Variants in MIB1 observed in about 807,000 individuals in gnomAD.
MIB1 encodes MIB E3 ubiquitin protein ligase 1.
A neutral mutation model predicts 124.5 loss-of-function variants in MIB1; 278 were observed. That is an observed-to-expected ratio of 2.23 (90% confidence interval 2.02 to 2.47). The LOEUF is 2.47. MIB1 is among the 30% of genes most tolerant of loss of function. The probability of loss-of-function intolerance (pLI) is 0.00; values close to 1 mark genes in which losing one functional copy is unlikely to be tolerated. For missense variants in MIB1, 957 were observed against 1,254.4 expected (o/e 0.76, Z 3.58); for synonymous variants, 446 against 429.4 (o/e 1.04, Z -0.48).
chr18:21,781,387 A>G (rs1210824625), intron 6 of MIB1, among the ~76,000 whole-genome samples: 3 of 65,034 alleles, frequency 4.6e-5, no homozygotes, highest in African/African-American at 6.3e-5. Context: ...ATATATATAT[A>G]TATATATATA....
chr18:21,735,286 G>A (rs1374991624), intron 1 of MIB1, among the ~76,000 whole-genome samples: 1 of 152,176 alleles, frequency 6.6e-6, no homozygotes, highest in African/African-American at 2.4e-5. Flanking sequence ...CCCTCCCCAA[G>A]CCAAGGGAAG....
chr18:21,711,117 GA>G (rs1197765027), intron 1 of MIB1, among the ~76,000 whole-genome samples: 2 of 152,148 alleles, frequency 1.3e-5, no homozygotes, highest in Non-Finnish European at 2.9e-5. Context: ...GTGAGCCACT[GA>G]ACTTGGCCTA....
In MIB1 at chr18:21,791,410, C is replaced by T; in HGVS notation, c.945C>T (p.Asn315=). Residue 315 remains asparagine (N), a synonymous_variant, in exon 7 of 21, where the codon AAC becomes AAT. Transcript: ENST00000261537. ...ATCCTGCTGTTCTCACTAAAGCGAA[C>T]ATTGTCCGAAGTGGAGATGCTGCTC... ...TFNPAVLTKA[N]IVRSGDAAQG... The T allele has an allele frequency of 2.5e-6, 4 of 1,613,600 alleles. No individual in the cohort carries two copies. Among genetic ancestry groups the T allele is most frequent in the Non-Finnish European group, 3.4e-6 (4 of 1,179,756 alleles).
At chr18:21,808,621 A>G (rs991854585) in intron 10 of MIB1, among the ~76,000 whole-genome samples, 1 of 152,146 alleles carries the variant, frequency 6.6e-6, no homozygotes, top group Non-Finnish European at 1.5e-5. Context: ...GGGAAACCTC[A>G]AAGAGCTCTT....
At chr18:21,861,780 C>A (rs1483613368) in intron 20 of MIB1, among the ~76,000 whole-genome samples, 1 of 152,144 alleles carries the variant, frequency 6.6e-6, no homozygotes, top group African/African-American at 2.4e-5. Context: ...ATATACTAAT[C>A]TCAAAGTAAA....
intron 4 of MIB1, among the ~76,000 whole-genome samples, chr18:21,774,841 C>A (rs2041262679): frequency 6.6e-6 from 1 of 151,016 alleles, no homozygotes; most frequent in East Asian, 1.9e-4. Context: ...GAGGCAGAGT[C>A]TCGCTGTGTC....
At chr18:21,731,941 C>G (rs1470523451) in intron 1 of MIB1, among the ~76,000 whole-genome samples, 1 of 151,770 alleles carries the variant, frequency 6.6e-6, no homozygotes, top group Non-Finnish European at 1.5e-5. Flanking sequence ...CCCTAAAGAA[C>G]GGAGGGTACT....
chr18:21,755,972 A>G (rs1285980940), intron 1 of MIB1, among the ~76,000 whole-genome samples: 1 of 152,164 alleles, frequency 6.6e-6, no homozygotes, highest in Non-Finnish European at 1.5e-5. Context: ...AATTTGTGGC[A>G]GTTTTGCAGG....
rs575985539 is a variant in MIB1, at chr18:21,852,436, A to G, written c.2587-704A>G. On this transcript the variant is annotated intron_variant, in intron 17 of 20. Coordinates refer to ENST00000261537, the MANE Select transcript of MIB1 (RefSeq NM_020774.4). ...TTAGAAGGGAGAATAGGTGAAAGAC[A>G]GATGAGTAGCCAAGGGCTATGGGGT... 5.3e-5 allele frequency among the ~76,000 whole-genome samples: 8 copies of G among 152,340 alleles called. No homozygotes were observed. In the South Asian group the frequency reaches 1.7e-3, roughly 32 times the overall value.
Position 21,853,147 on chromosome 18 carries a change from A to G in MIB1, c.2594A>G (p.Glu865Gly). Residue 865 changes from glutamate (E) to glycine (G), a missense_variant, in exon 18 of 21, where the codon GAA becomes GGA. Transcript: ENST00000261537. Reference sequence around the variant, plus strand: ...TAACCTCTTTTTCTATAGATTGAAGAATGTGTGGTATGCTCTGACAAGAAA... The same window carrying G: ...TAACCTCTTTTTCTATAGATTGAAGGATGTGTGGTATGCTCTGACAAGAAA... ...EQVQSRTKIE[E>G]CVVCSDKKAA... 6.2e-7 allele frequency: 1 copy of G among 1,611,564 alleles called. No homozygotes were observed. The highest frequency in any genetic ancestry group is 8.5e-7 in the Non-Finnish European group (1 of 1,177,854).
rs1011780181 is a variant in MIB1, at chr18:21,854,686, C to T, written c.2665+1468C>T. The T allele has an allele frequency of 3.0e-5, 6 of 198,410 alleles. No homozygotes were observed. In the East Asian group the frequency reaches 4.3e-4, roughly 14 times the overall value. 12.3% of individuals were successfully genotyped at this position (198,410 alleles called of 1,614,324 possible). Reference sequence around the variant, plus strand: ...TGGGCTTGTGCCTTCAACATTTTCACGACGACATTCTGCTCTTTGAAAGGA... The same window carrying T: ...TGGGCTTGTGCCTTCAACATTTTCATGACGACATTCTGCTCTTTGAAAGGA... On this transcript the variant is annotated intron_variant, in intron 18 of 20. Transcript: ENST00000261537.
chr18:21,741,465 G>C lies in MIB1; in HGVS notation c.-119G>C. ...GTGAGTTATTCTCACGTCCCCCGGG[G>C]CTCGCTGCCGCCCCCGCCGACGCCT... On this transcript the variant is annotated 5_prime_UTR_variant, in exon 1 of 21. Coordinates refer to ENST00000261537, the MANE Select transcript of MIB1 (RefSeq NM_020774.4). The surrounding 1 kb of genome is among the most constrained non-coding windows in gnomAD (Gnocchi z 5.4). 1.9e-6 allele frequency: 1 copy of C among 517,872 alleles called. No individual in the cohort carries two copies. Among genetic ancestry groups the C allele is most frequent in the Non-Finnish European group, 2.8e-6 (1 of 353,902 alleles). The allele number at this position is 517,872 out of a possible 1,614,324, so 32.1% of individuals were successfully genotyped here.
chr18:21,853,754 C>A (rs536406806), intron 18 of MIB1, among the ~76,000 whole-genome samples: 2 of 152,246 alleles, frequency 1.3e-5, no homozygotes, highest in Non-Finnish European at 2.9e-5. Context: ...TTCTTTTAAA[C>A]ATATTCTCTT....
rs2146529830 is a variant in MIB1 at position 21,867,744 on chromosome 18, C to G, written c.*3078C>G. 6.6e-6 allele frequency: 1 copy of G among 152,640 alleles called. No homozygotes were observed. The highest frequency in any genetic ancestry group is 1.9e-4 in the East Asian group (1 of 5,186). The allele number at this position is 152,640 out of a possible 1,614,324, so 9.5% of individuals were successfully genotyped here. A position where few individuals can be genotyped will look rare whatever the true frequency, so the allele number is the denominator to read the frequency against. ...CATGCTGCTTAAGATGTGTCTGGTTCAAATATCAAAACTTGCTGGGTCATT... is the reference window on the plus strand; with the variant it reads ...CATGCTGCTTAAGATGTGTCTGGTTGAAATATCAAAACTTGCTGGGTCATT... On this transcript the variant is annotated 3_prime_UTR_variant, in exon 21 of 21. Transcript: ENST00000261537.
chr18:21,870,761 AC>A lies in MIB1; in HGVS notation c.*6096del, dbSNP rs2042349243. ...GTATATCTGATGTTTAAGAGGAAAAACATCTGAAAAAATATCTTTTGTTTAT... is the reference window on the plus strand; with the variant it reads ...GTATATCTGATGTTTAAGAGGAAAAAATCTGAAAAAATATCTTTTGTTTAT... On this transcript the variant is annotated 3_prime_UTR_variant, in exon 21 of 21. Transcript: ENST00000261537. 1 of 152,168 alleles carries A rather than the reference AC, an allele frequency of 6.6e-6. No individual in the cohort carries two copies. The highest frequency in any genetic ancestry group is 6.5e-5 in the Admixed American group (1 of 15,274). The allele number at this position is 152,168 out of a possible 1,614,324, so 9.4% of individuals were successfully genotyped here. A position where few individuals can be genotyped will look rare whatever the true frequency, so the allele number is the denominator to read the frequency against.
intron 1 of MIB1, among the ~76,000 whole-genome samples, chr18:21,755,820 T>C (rs942066321): frequency 1.3e-5 from 2 of 152,236 alleles, no homozygotes; most frequent in African/African-American, 4.8e-5. Flanking sequence ...TGGGTTAGAA[T>C]TCGTTTATAT....
chr18:21,863,356 G>A (rs1439666680), intron 20 of MIB1, among the ~76,000 whole-genome samples: 1 of 152,210 alleles, frequency 6.6e-6, no homozygotes, highest in East Asian at 1.9e-4. Flanking sequence ...ACCCACACTC[G>A]GTGTGTCCCG....
chr18:21,827,745 T>C (rs1435099488), intron 12 of MIB1: 4 of 152,060 alleles, frequency 2.6e-5, no homozygotes, highest in Admixed American at 2.0e-4. Flanking sequence ...TATGATGCCA[T>C]GTGTAAGTCA....
At chr18:21,807,119 A>G (rs1374368839) in intron 10 of MIB1, among the ~76,000 whole-genome samples, 2 of 152,216 alleles carry the variant, frequency 1.3e-5, no homozygotes, top group Non-Finnish European at 2.9e-5. Context: ...GAAAAACTAT[A>G]TTGAAAAATT....
Sources: allele counts gnomAD v4.1 joint callset (sites outside exome capture counted in the v4.1 genomes callset), GRCh38; gene constraint gnomAD v4.1.1; non-coding constraint Gnocchi (gnomAD v3.1); transcripts MANE v1.5; gene names NCBI Gene and HGNC (gene_info 2026-07-23, HGNC 2026-07-21).